Variants in NOL8 observed in about 807,000 individuals in gnomAD.
The protein encoded by NOL8 is nucleolar protein Nop132.
In NOL8, 93 loss-of-function variants were observed where a neutral mutation model predicts 116.1. That is an observed-to-expected ratio of 0.80 (90% confidence interval 0.68 to 0.95). The LOEUF is 0.95. Ranked by LOEUF, NOL8 falls within the 40% of genes least tolerant of loss-of-function variation. The pLI, the probability that NOL8 is intolerant of heterozygous loss-of-function variation, is 0.00. For synonymous variants in NOL8, 419 were observed against 469.0 expected (o/e 0.89, Z 1.38); for missense variants, 1,291 against 1,382.8 (o/e 0.93, Z 1.05).
At position 92,314,494 on chromosome 9, in the gene NOL8, G is replaced by C. The variant is rs1424455097; in HGVS notation, c.2131C>G (p.Arg711Gly). ...GATGTGAGGCCGCTTGAATCAGACCGCTCTTCCTGTGAAGCTTCTGTCTTT... is the reference window on the plus strand; with the variant it reads ...GATGTGAGGCCGCTTGAATCAGACCCCTCTTCCTGTGAAGCTTCTGTCTTT... ...TTKTEASQEERSDSSGLTSLK... is the reference protein window; with the variant it reads ...TTKTEASQEEGSDSSGLTSLK... The change falls in exon 7 of 17, where the codon CGG becomes GGG. Residue 711 changes from arginine to glycine, a missense_variant. Arg to Gly is a moderately radical substitution (Grantham distance 125). Coordinates refer to ENST00000442668, the MANE Select transcript of NOL8 (RefSeq NM_017948.6). 1 of 1,613,288 alleles carries C rather than the reference G, an allele frequency of 6.2e-7. No individual in the cohort carries two copies. The highest frequency in any genetic ancestry group is 8.5e-7 in the Non-Finnish European group (1 of 1,179,536).
intron 10 of NOL8, among the ~76,000 whole-genome samples, chr9:92,309,954 T>C (rs1303478173): frequency 1.3e-5 from 2 of 152,200 alleles, no homozygotes; most frequent in Non-Finnish European, 2.9e-5. Context: ...GTGGATGTTA[T>C]TTTTTCCTTT....
chr9:92,306,138 C>A (rs890980847), intron 11 of NOL8, among the ~76,000 whole-genome samples: 8 of 152,112 alleles, frequency 5.3e-5, no homozygotes, highest in African/African-American at 1.9e-4. Flanking sequence ...GGATTACAGG[C>A]ATGTGCCACC....
intron 3 of NOL8, among the ~76,000 whole-genome samples, chr9:92,322,366 T>G (rs1839999939): frequency 6.6e-6 from 1 of 152,172 alleles, no homozygotes; most frequent in Admixed American, 6.5e-5. Flanking sequence ...AAGTACAAAT[T>G]TATCTTTTCT....
In NOL8 at chr9:92,315,682, C is replaced by G. The variant is rs762854586; in HGVS notation, c.943G>C (p.Glu315Gln). 1.9e-6 allele frequency: 3 copies of G among 1,612,152 alleles called. No individual in the cohort carries two copies. Among genetic ancestry groups the G allele is most frequent in the Admixed American group, 3.3e-5 (2 of 59,774 alleles). ...EDELRMMIAK[E>Q]ENLQRTTQPS... ...TGTGTAGTTCTCTGTAAGTTTTCCTCTTTCGCAATCATCATTCTCAATTCA... is the reference window on the plus strand; with the variant it reads ...TGTGTAGTTCTCTGTAAGTTTTCCTGTTTCGCAATCATCATTCTCAATTCA... The change falls in exon 7 of 17, where the codon GAG becomes CAG. Residue 315 changes from glutamate (E) to glutamine (Q), a missense_variant. Glu to Gln is a conservative substitution (Grantham distance 29). Transcript: ENST00000442668.
At chr9:92,305,704 T>G in intron 12 of NOL8, 49 bp downstream of exon 12, 417 of 1,271,760 alleles carry the variant, frequency 3.3e-4, no homozygotes, top group Non-Finnish European at 4.3e-4. Context: ...TTGTCTGAAA[T>G]GAGATTAATT....
At chr9:92,307,448 A>G (rs1252288322) in intron 10 of NOL8, among the ~76,000 whole-genome samples, 1 of 152,238 alleles carries the variant, frequency 6.6e-6, no homozygotes, top group Non-Finnish European at 1.5e-5. Flanking sequence ...ATCTGACAAT[A>G]TAAGATATTA....
chr9:92,319,443 C>T, intron 4 of NOL8, 87 bp from the exon 5 acceptor site: 1 of 1,338,242 alleles, frequency 7.5e-7, no homozygotes, highest in Non-Finnish European at 9.8e-7. Context: ...CCTAAATGAG[C>T]ACTATAAACA....
Position 92,314,354 on chromosome 9 carries a change from G to T in NOL8, c.2271C>A (p.Asp757Glu). The T allele has an allele frequency of 6.2e-7, 1 of 1,612,534 alleles. No individual in the cohort carries two copies. Among genetic ancestry groups the T allele is most frequent in the Non-Finnish European group, 8.5e-7 (1 of 1,178,740 alleles). The change falls in exon 7 of 17, where the codon GAC (aspartate) becomes GAA (glutamate). Residue 757 changes from aspartate (D) to glutamate (E), a missense_variant. Asp to Glu is a conservative substitution (Grantham distance 45). Transcript: ENST00000442668. ...DVSAKDKHAE[D>E]NEKRLAALEA... ...CCAAGGCTGCCAAACGCTTCTCATT[G>T]TCTTCAGCATGCTTATCTTTAGCAC...
At chr9:92,308,400 A>AAAC (rs1433528311) in intron 10 of NOL8, among the ~76,000 whole-genome samples, 1 of 152,154 alleles carries the variant, frequency 6.6e-6, no homozygotes, top group Non-Finnish European at 1.5e-5. Flanking sequence ...GGAAAGAAAA[A>AAAC]AACAACAACA....
chr9:92,323,587 T>TAA, intron 2 of NOL8, 84 bp from the exon 3 acceptor site: 19 of 953,880 alleles, frequency 2.0e-5, no homozygotes, highest in Middle Eastern at 3.7e-4. Context: ...GTTTCTAAAT[T>TAA]AAAAAAAAAA....
chr9:92,300,362 TATA>T (rs1296496507), intron 13 of NOL8: 1 of 994,336 alleles, frequency 1.0e-6, no homozygotes, highest in Non-Finnish European at 1.2e-6. Context: ...AAGCCTAAAA[TATA>T]ATAGGATACA....
intron 1 of NOL8, 158 bp from the exon 2 acceptor site, chr9:92,324,367 C>T: frequency 1.8e-6 from 1 of 557,438 alleles, no homozygotes; most frequent in Non-Finnish European, 3.1e-6. Flanking sequence ...TGCCCAAGCC[C>T]TACATCCACA....
At position 92,315,527 on chromosome 9, in the gene NOL8, A is replaced by G. The variant is rs1362299682; in HGVS notation, c.1098T>C (p.Asp366=). 1 of 1,611,606 alleles carries G rather than the reference A, an allele frequency of 6.2e-7. No homozygotes were observed. The highest frequency in any genetic ancestry group is 8.5e-7 in the Non-Finnish European group (1 of 1,178,948). ...IKNRVSCHDS[D]DDIMRNDREY... ...CACGATCATTTCTCATAATATCATCATCACTATCATGGCAAGAGACACGAT... is the reference window on the plus strand; with the variant it reads ...CACGATCATTTCTCATAATATCATCGTCACTATCATGGCAAGAGACACGAT... The change falls in exon 7 of 17, where the codon GAT becomes GAC. Residue 366 remains aspartate, a synonymous_variant. Transcript: ENST00000442668.
chr9:92,320,103 G>C, intron 4 of NOL8: 2 of 456,042 alleles, frequency 4.4e-6, no homozygotes, highest in Non-Finnish European at 8.8e-6. Flanking sequence ...ATCTTTCGGA[G>C]CCCAATTTGT....
chr9:92,299,818 A>G, intron 14 of NOL8, 72 bp downstream of exon 14: 1 of 1,502,402 alleles, frequency 6.7e-7, no homozygotes, highest in African/African-American at 1.4e-5. Flanking sequence ...AGAAGCTAAA[A>G]TATTTCTAAA....
At chr9:92,301,958 A>G in intron 12 of NOL8, 136 bp from the exon 13 acceptor site, 7 of 670,092 alleles carry the variant, frequency 1.0e-5, no homozygotes, top group Non-Finnish European at 1.4e-5. Flanking sequence ...TCTACTTATA[A>G]ATAGAGAAAT....
In NOL8 at chr9:92,314,417, A is replaced by G. The variant is rs1436448875; in HGVS notation, c.2208T>C (p.Thr736=). ...AATTACTAATAGAAAGTGAGAAATC[A>G]GTTTTGATTTCCCGAGTGTCCTTGG... ...VSSKDTREIK[T]DFSLSISNSS... The change falls in exon 7 of 17, where the codon ACT becomes ACC. Residue 736 remains threonine (T), a synonymous_variant. Coordinates refer to ENST00000442668, the MANE Select transcript of NOL8 (RefSeq NM_017948.6). The G allele has an allele frequency of 5.0e-6, 8 of 1,613,390 alleles. No homozygotes were observed. The Admixed American group carries it at 1.0e-4, about 20-fold the overall frequency.
intron 12 of NOL8, 146 bp downstream of exon 12, chr9:92,305,607 C>T (rs1838166408): frequency 1.6e-6 from 1 of 637,424 alleles, no homozygotes; most frequent in Non-Finnish European, 2.8e-6. Flanking sequence ...TAATTCCTTT[C>T]TAACTCTACC....
chr9:92,305,923 T>C (rs1448831298), intron 11 of NOL8, 93 bp from the exon 12 acceptor site: 5 of 799,768 alleles, frequency 6.3e-6, no homozygotes, highest in African/African-American at 5.3e-5. Context: ...ACTAGGAAGA[T>C]TCTAATTTTG....
Sources: gnomAD v4.1 joint callset for allele counts (sites outside exome capture counted in the v4.1 genomes callset) on GRCh38, gnomAD v4.1.1 for gene constraint, MANE v1.5 for transcripts, NCBI Gene and HGNC (gene_info 2026-07-23, HGNC 2026-07-21) for gene names.